The following SGPL1 variants were observed in gnomAD, a reference collection of about 807,000 sequenced individuals.
SGPL1 encodes sphingosine-1-phosphate lyase 1.
A neutral mutation model predicts 68.9 loss-of-function variants in SGPL1; 37 were observed. That is an observed-to-expected ratio of 0.54 (90% confidence interval 0.41 to 0.71). The LOEUF (loss-of-function observed/expected upper bound fraction) is 0.71, where lower values mean the gene tolerates loss of function less well. Ranked by LOEUF, SGPL1 falls within the 30% of genes least tolerant of loss-of-function variation. SGPL1 has a pLI of 0.00. For synonymous variants in SGPL1, 236 were observed against 248.5 expected, an observed-to-expected ratio of 0.95 and a Z score of 0.47; for missense variants, 551 against 704.6, an observed-to-expected ratio of 0.78 and a Z score of 2.47.
intron 11 of SGPL1, among the ~76,000 whole-genome samples, chr10:70,872,414 G>C (rs142317214): frequency 1.3e-5 from 2 of 152,180 alleles, no homozygotes; most frequent in Admixed American, 1.3e-4. Context: ...CGTACATGAC[G>C]GGAAAATGTT....
chr10:70,844,659 G>A, intron 3 of SGPL1, 21 bp downstream of exon 3: 1 of 1,610,322 alleles, frequency 6.2e-7, no homozygotes. Context: ...TGTCTCCTCT[G>A]TAAAGGTATA....
intron 4 of SGPL1, among the ~76,000 whole-genome samples, chr10:70,853,749 T>C (rs1027144528): frequency 2.0e-5 from 3 of 152,228 alleles, no homozygotes; most frequent in African/African-American, 7.2e-5. Flanking sequence ...GGAACCATAG[T>C]TGATAAACTA....
intron 2 of SGPL1, among the ~76,000 whole-genome samples, chr10:70,828,346 G>A (rs938467083): frequency 5.3e-5 from 8 of 151,980 alleles, no homozygotes; most frequent in African/African-American, 9.7e-5. Context: ...TTCGGAGACA[G>A]GGTTTCACCC....
chr10:70,847,463 C>G (rs1294206767), intron 3 of SGPL1, among the ~76,000 whole-genome samples: 1 of 152,010 alleles, frequency 6.6e-6, no homozygotes, highest in Non-Finnish European at 1.5e-5. Context: ...TATTTTGTTT[C>G]TAAAGATACA....
At chr10:70,868,988 G>A (rs1486166898) in intron 8 of SGPL1, among the ~76,000 whole-genome samples, 1 of 152,300 alleles carries the variant, frequency 6.6e-6, no homozygotes, top group South Asian at 2.1e-4. Context: ...CCCTTGTACA[G>A]TATGTTTATC....
At chr10:70,847,595 A>G (rs1449734012) in intron 3 of SGPL1, among the ~76,000 whole-genome samples, 1 of 152,160 alleles carries the variant, frequency 6.6e-6, no homozygotes, top group Non-Finnish European at 1.5e-5. Context: ...CTATATCTGA[A>G]TCCAGTTTGA....
At chr10:70,821,051 G>C (rs892334122) in intron 2 of SGPL1, among the ~76,000 whole-genome samples, 1 of 152,188 alleles carries the variant, frequency 6.6e-6, no homozygotes, top group Non-Finnish European at 1.5e-5. Context: ...CGGGCTATCA[G>C]CCCTCAGTGT....
rs991877629 is a variant in SGPL1, at chr10:70,816,813, T to A, written c.-41T>A. ...ACAAACCTGGTTCCCTTTTACAGAG[T>A]CTGAAAAAGGGGAGCGCGGAGAGGA... On this transcript the variant is annotated splice_region_variant and 5_prime_UTR_variant, in exon 2 of 15. Coordinates refer to ENST00000373202, the MANE Select transcript of SGPL1 (RefSeq NM_003901.4). 2 of 1,609,118 alleles carry A rather than the reference T, an allele frequency of 1.2e-6. No individual in the cohort carries two copies. The highest frequency in any genetic ancestry group is 1.7e-6 in the Non-Finnish European group (2 of 1,175,762).
intron 2 of SGPL1, among the ~76,000 whole-genome samples, chr10:70,824,243 CTT>C (rs1289101123): frequency 1.4e-5 from 2 of 138,678 alleles, no homozygotes; most frequent in Non-Finnish European, 3.2e-5. Context: ...GCTCATGGGT[CTT>C]GTAATGAAAA....
In SGPL1 at chr10:70,857,698, T is replaced by C; in HGVS notation, c.486+8T>C. 1 of 1,602,156 alleles carries C rather than the reference T, an allele frequency of 6.2e-7. No individual in the cohort carries two copies. The highest frequency in any genetic ancestry group is 1.3e-5 in the African/African-American group (1 of 74,606). The stretch of plus-strand genomic sequence containing the variant: ...ACTGAGCTCCTTGTGAAGGTGAGTG[T>C]CCAGTTCTTGAGGGAAGCCTGTGAG... On this transcript the variant is annotated splice_region_variant and intron_variant, in intron 6 of 14. Coordinates refer to ENST00000373202, the MANE Select transcript of SGPL1 (RefSeq NM_003901.4).
At position 70,877,652 on chromosome 10, in the gene SGPL1, C is replaced by T. The variant is rs1165121571; in HGVS notation, c.*317C>T. On this transcript the variant is annotated 3_prime_UTR_variant, in exon 15 of 15. Coordinates refer to ENST00000373202, the MANE Select transcript of SGPL1 (RefSeq NM_003901.4). ...TTTACTTAAACATTGTGTGGTAGCT[C>T]TGACCTGTCCTGATTCTTTAGAGAA... 1.5e-5 allele frequency: 4 copies of T among 261,604 alleles called. No individual in the cohort carries two copies. The highest frequency in any genetic ancestry group is 4.3e-5 in the African/African-American group (2 of 46,898). 16.2% of individuals were successfully genotyped at this position (261,604 alleles called of 1,614,324 possible).
chr10:70,869,653 T>C, intron 8 of SGPL1, 139 bp from the exon 9 acceptor site: 1 of 609,360 alleles, frequency 1.6e-6, no homozygotes, highest in East Asian at 3.1e-5. Flanking sequence ...AAAAGAAAAG[T>C]AGAGCAGTCT....
chr10:70,844,612 G>T lies in SGPL1; in HGVS notation c.167G>T (p.Gly56Val). 3 of 1,614,130 alleles carry T rather than the reference G, an allele frequency of 1.9e-6. No individual in the cohort carries two copies. Among genetic ancestry groups the T allele is most frequent in the Middle Eastern group, 1.7e-4 (1 of 6,058 alleles). ...SVVWTLLIVW[G>V]YEFVFQPESL... ...GTGTGGACCCTGCTGATAGTCTGGGGATATGAGTTTGTCTTCCAGCCAGAG... is the reference window on the plus strand; with the variant it reads ...GTGTGGACCCTGCTGATAGTCTGGGTATATGAGTTTGTCTTCCAGCCAGAG... Residue 56 changes from glycine (G) to valine (V), a missense_variant, in exon 3 of 15, where the codon GGA becomes GTA. Coordinates refer to ENST00000373202, the MANE Select transcript of SGPL1 (RefSeq NM_003901.4).
chr10:70,869,119 A>G (rs1377721409), intron 8 of SGPL1: 3 of 152,348 alleles, frequency 2.0e-5, no homozygotes, highest in African/African-American at 7.2e-5. Context: ...CTTTCTTCAT[A>G]TGTCGATCTT....
chr10:70,846,976 A>G (rs1319836288), intron 3 of SGPL1, among the ~76,000 whole-genome samples: 12 of 152,146 alleles, frequency 7.9e-5, no homozygotes, highest in Non-Finnish European at 1.8e-4. Flanking sequence ...TAGTAGAGAC[A>G]CAGCCATCTT....
intron 2 of SGPL1, among the ~76,000 whole-genome samples, chr10:70,822,359 A>T (rs1208056192): frequency 6.6e-6 from 1 of 152,242 alleles, no homozygotes; most frequent in Non-Finnish European, 1.5e-5. Context: ...ATAAACAGAT[A>T]GAATCCAAAT....
In SGPL1 at chr10:70,877,410, A is replaced by G; in HGVS notation, c.*75A>G. On this transcript the variant is annotated 3_prime_UTR_variant, in exon 15 of 15. Transcript: ENST00000373202. ...TGGGATATGGAACAGGCCGTGCACA[A>G]CTTTGACATCTGGTCTTGCTCCATA... 6.9e-7 allele frequency: 1 copy of G among 1,455,212 alleles called. No homozygotes were observed. Among genetic ancestry groups the G allele is most frequent in the South Asian group, 1.2e-5 (1 of 86,050 alleles). 90.1% of individuals were successfully genotyped at this position (1,455,212 alleles called of 1,614,324 possible). A position where few individuals can be genotyped will look rare whatever the true frequency, so the allele number is the denominator to read the frequency against.
intron 7 of SGPL1, among the ~76,000 whole-genome samples, chr10:70,862,839 C>T (rs1017803194): frequency 6.6e-6 from 1 of 152,214 alleles, no homozygotes; most frequent in African/African-American, 2.4e-5. Context: ...AGCTGTAACA[C>T]TCACCGCGAG....
intron 2 of SGPL1, among the ~76,000 whole-genome samples, chr10:70,840,326 TC>T (rs1845695052): frequency 6.6e-6 from 1 of 152,040 alleles, no homozygotes; most frequent in South Asian, 2.1e-4. Flanking sequence ...GACTTGATCT[TC>T]CAGGTTCCCT....
Sources: gnomAD v4.1 joint callset for allele counts (sites outside exome capture counted in the v4.1 genomes callset) on GRCh38, gnomAD v4.1.1 for gene constraint, MANE v1.5 for transcripts, NCBI Gene and HGNC (gene_info 2026-07-23, HGNC 2026-07-21) for gene names.